Variants in FBXL7 observed in about 807,000 individuals in gnomAD.
FBXL7 encodes F-box/LRR-repeat protein 7.
A neutral mutation model predicts 38.3 loss-of-function variants in FBXL7; 12 were observed. The ratio of observed to expected loss-of-function variants is 0.31; its 90% CI spans 0.20 to 0.51. The LOEUF (loss-of-function observed/expected upper bound fraction) is 0.51, where lower values mean the gene tolerates loss of function less well. Ranked by LOEUF, FBXL7 falls within the 20% of genes least tolerant of loss-of-function variation. The probability of loss-of-function intolerance (pLI) is 0.98; values close to 1 mark genes in which losing one functional copy is unlikely to be tolerated. For synonymous variants in FBXL7, 297 were observed against 300.9 expected (o/e 0.99, Z 0.13); for missense variants, 567 against 676.4 (o/e 0.84, Z 1.79).
chr5:15,817,037 G>A (rs573695654), intron 2 of FBXL7, among the ~76,000 whole-genome samples: 1 of 152,324 alleles, frequency 6.6e-6, no homozygotes, highest in East Asian at 1.9e-4. Context: ...TGGTAAGTTT[G>A]TGGGGCTTAG....
intron 2 of FBXL7, among the ~76,000 whole-genome samples, chr5:15,887,088 T>C (rs1041603378): frequency 5.3e-5 from 8 of 152,176 alleles, no homozygotes; most frequent in African/African-American, 1.4e-4. Context: ...GTATCTCCCA[T>C]AATTTTAAAA....
chr5:15,514,199 C>G (rs1269415248), intron 1 of FBXL7, among the ~76,000 whole-genome samples: 1 of 152,192 alleles, frequency 6.6e-6, no homozygotes, highest in Non-Finnish European at 1.5e-5. Flanking sequence ...AATAAAGATA[C>G]AACTAACTGA....
At chr5:15,711,099 T>A (rs1008723529) in intron 2 of FBXL7, among the ~76,000 whole-genome samples, 1 of 152,236 alleles carries the variant, frequency 6.6e-6, no homozygotes, top group African/African-American at 2.4e-5. Flanking sequence ...AGACGTGCCT[T>A]TCACCTTCTG....
intron 1 of FBXL7, among the ~76,000 whole-genome samples, chr5:15,516,450 T>C (rs1047725059): frequency 2.0e-5 from 3 of 152,224 alleles, no homozygotes; most frequent in Non-Finnish European, 2.9e-5. Context: ...TGAACTACCA[T>C]GGCAGTTTAT....
At position 15,610,599 on chromosome 5, in the gene FBXL7, TC is replaced by T. The variant is rs568908859; in HGVS notation, c.38-5381del. Reference sequence around the variant, plus strand: ...TTCTCTGAGCACCACCCTCCCTGCCTCCCTCTCCACTTGAACTCAACAAGGA... The same window carrying T: ...TTCTCTGAGCACCACCCTCCCTGCCTCCTCTCCACTTGAACTCAACAAGGA... On this transcript the variant is annotated intron_variant, in intron 1 of 3. Transcript: ENST00000504595. Among the ~76,000 whole-genome samples the T allele has an allele frequency of 3.0e-4, 45 of 152,264 alleles. No individual in the cohort carries two copies. The South Asian group carries it at 5.2e-3, about 18-fold the overall frequency.
At chr5:15,552,854 T>C (rs1276929250) in intron 1 of FBXL7, among the ~76,000 whole-genome samples, 1 of 151,956 alleles carries the variant, frequency 6.6e-6, no homozygotes, top group Non-Finnish European at 1.5e-5. Context: ...GAGGCTGAGG[T>C]GGGAAGATCA....
At chr5:15,507,916 G>A (rs2126350826) in intron 1 of FBXL7, among the ~76,000 whole-genome samples, 1 of 152,152 alleles carries the variant, frequency 6.6e-6, no homozygotes, top group African/African-American at 2.4e-5. Flanking sequence ...GGTGATGGGT[G>A]CCTGTAATCC....
At chr5:15,724,202 G>A (rs1744278398) in intron 2 of FBXL7, among the ~76,000 whole-genome samples, 1 of 152,024 alleles carries the variant, frequency 6.6e-6, no homozygotes, top group Non-Finnish European at 1.5e-5. Context: ...TCCATTTTTA[G>A]TTTCTTTCAT....
intron 2 of FBXL7, among the ~76,000 whole-genome samples, chr5:15,856,102 G>T (rs1739262616): frequency 6.6e-6 from 1 of 152,148 alleles, no homozygotes; most frequent in Admixed American, 6.6e-5. Context: ...CTTCCATGTG[G>T]CTGGGGAGAT....
chr5:15,700,336 A>C (rs1743481411), intron 2 of FBXL7, among the ~76,000 whole-genome samples: 1 of 152,212 alleles, frequency 6.6e-6, no homozygotes, highest in Non-Finnish European at 1.5e-5. Flanking sequence ...CTGAAGCCAA[A>C]AGCGTTCCTT....
chr5:15,712,446 G>A (rs1409991174), intron 2 of FBXL7, among the ~76,000 whole-genome samples: 2 of 151,734 alleles, frequency 1.3e-5, no homozygotes, highest in African/African-American at 2.4e-5. Flanking sequence ...ATAGATTATG[G>A]GCAATTGCAC....
intron 2 of FBXL7, among the ~76,000 whole-genome samples, chr5:15,849,422 C>T (rs1191228224): frequency 2.0e-5 from 3 of 152,196 alleles, no homozygotes; most frequent in Non-Finnish European, 4.4e-5. Context: ...CCATAACTAC[C>T]ACCTGTTGTA....
At chr5:15,593,512 A>C (rs1449164073) in intron 1 of FBXL7, among the ~76,000 whole-genome samples, 1 of 152,024 alleles carries the variant, frequency 6.6e-6, no homozygotes, top group African/African-American at 2.4e-5. Context: ...CGACAGAGGT[A>C]GACTCCATCT....
Position 15,530,755 on chromosome 5 carries a change from C to A in FBXL7, c.37+30042C>A, listed in dbSNP as rs141980237. ...TTGCATGGGAAAAATGTGTTTAATT[C>A]CCTAAACAATGATGTGTGACAACAT... On this transcript the variant is annotated intron_variant, in intron 1 of 3. Coordinates refer to ENST00000504595, the MANE Select transcript of FBXL7 (RefSeq NM_012304.5). Among the ~76,000 whole-genome samples the A allele has an allele frequency of 9.9e-5, 15 of 152,254 alleles. No homozygotes were observed. In the East Asian group the frequency reaches 2.9e-3, roughly 29 times the overall value.
At chr5:15,694,100 AC>A (rs1168961933) in intron 2 of FBXL7, among the ~76,000 whole-genome samples, 1 of 151,980 alleles carries the variant, frequency 6.6e-6, no homozygotes, top group African/African-American at 2.4e-5. Context: ...TAAACACTCA[AC>A]CCTAGACGCT....
At chr5:15,639,569 A>G (rs1052194036) in intron 2 of FBXL7, among the ~76,000 whole-genome samples, 1 of 150,942 alleles carries the variant, frequency 6.6e-6, no homozygotes, top group African/African-American at 2.4e-5. Flanking sequence ...GAGTCTGTTA[A>G]CCCTATTCTT....
intron 2 of FBXL7, among the ~76,000 whole-genome samples, chr5:15,899,519 GA>G (rs1741184095): frequency 6.6e-6 from 1 of 152,120 alleles, no homozygotes; most frequent in African/African-American, 2.4e-5. Context: ...AGTTTTACAA[GA>G]TTTTTTTATA....
chr5:15,782,167 T>G (rs1737012849), intron 2 of FBXL7, among the ~76,000 whole-genome samples: 1 of 152,190 alleles, frequency 6.6e-6, no homozygotes, highest in Non-Finnish European at 1.5e-5. Flanking sequence ...GAACCTATTT[T>G]TTATGGCTGC....
intron 1 of FBXL7, among the ~76,000 whole-genome samples, chr5:15,533,072 G>A (rs73751974): frequency 0.027 from 4,085 of 152,252 alleles, 181 homozygotes; most frequent in African/African-American, 0.093. Context: ...TGGGAGACCC[G>A]AATGGGGATA....
Sources: allele counts gnomAD v4.1 joint callset (sites outside exome capture counted in the v4.1 genomes callset), GRCh38; gene constraint gnomAD v4.1.1; transcripts MANE v1.5; gene names NCBI Gene and HGNC (gene_info 2026-07-23, HGNC 2026-07-21).